Variants in SLC8A1 observed in about 807,000 individuals in gnomAD.
The protein encoded by SLC8A1 is sodium/calcium exchanger 1.
SLC8A1 carries 18 observed loss-of-function variants against 68.3 expected under a neutral mutation model. The ratio of observed to expected loss-of-function variants is 0.26; its 90% CI spans 0.18 to 0.39. The LOEUF is 0.39. Ranked by LOEUF, SLC8A1 falls within the 10% of genes least tolerant of loss-of-function variation. The pLI is 1.00. For synonymous variants in SLC8A1, 475 were observed against 415.5 expected, an observed-to-expected ratio of 1.14 and a Z score of -1.74; for missense variants, 985 against 1,156.7, an observed-to-expected ratio of 0.85 and a Z score of 2.15.
At chr2:40,150,630 C>G (rs17025271) in intron 6 of SLC8A1, among the ~76,000 whole-genome samples, 1 of 152,062 alleles carries the variant, frequency 6.6e-6, no homozygotes, top group Non-Finnish European at 1.5e-5. Context: ...GTTAGAGACA[C>G]GACTTCGGGC....
At chr2:40,393,446 A>G (rs1452859618) in intron 2 of SLC8A1, among the ~76,000 whole-genome samples, 1 of 152,090 alleles carries the variant, frequency 6.6e-6, no homozygotes, top group Non-Finnish European at 1.5e-5. Flanking sequence ...TGGAATTGCT[A>G]TGTTCCAAAT....
chr2:40,448,860 G>C (rs889454796), intron 1 of SLC8A1, among the ~76,000 whole-genome samples: 1 of 152,102 alleles, frequency 6.6e-6, no homozygotes, highest in Non-Finnish European at 1.5e-5. Context: ...GGACCAGGAA[G>C]AGTAGAGAGA....
intron 2 of SLC8A1, among the ~76,000 whole-genome samples, chr2:40,257,323 T>G (rs2064080751): frequency 6.6e-6 from 1 of 152,132 alleles, no homozygotes. Flanking sequence ...AATCAGCTAC[T>G]GGTGGAAAAT....
At chr2:40,401,134 T>C (rs891343174) in intron 2 of SLC8A1, among the ~76,000 whole-genome samples, 20 of 152,212 alleles carry the variant, frequency 1.3e-4, no homozygotes, top group African/African-American at 4.8e-4. Flanking sequence ...AAAAACCTGA[T>C]TGCAAGTCTT....
chr2:40,311,979 C>T (rs917517496), intron 2 of SLC8A1, among the ~76,000 whole-genome samples: 35 of 152,086 alleles, frequency 2.3e-4, no homozygotes, highest in African/African-American at 8.4e-4. Context: ...GACCTACTCC[C>T]CTTCCCTCCT....
intron 2 of SLC8A1, among the ~76,000 whole-genome samples, chr2:40,412,996 C>T (rs1037820296): frequency 2.6e-5 from 4 of 152,098 alleles, no homozygotes; most frequent in African/African-American, 9.7e-5. Context: ...TGGTGTGCTG[C>T]ACCCATTAAC....
intron 2 of SLC8A1, among the ~76,000 whole-genome samples, chr2:40,197,562 A>G (rs2053289070): frequency 6.6e-6 from 1 of 151,962 alleles, no homozygotes; most frequent in Admixed American, 6.6e-5. Flanking sequence ...CCCCTTTAGC[A>G]AAAGATCTCT....
intron 2 of SLC8A1, among the ~76,000 whole-genome samples, chr2:40,397,495 A>G (rs1040191532): frequency 2.4e-4 from 36 of 152,174 alleles, no homozygotes; most frequent in African/African-American, 6.3e-4. Context: ...TCAACACAAG[A>G]AGCACTGTCA....
intron 2 of SLC8A1, among the ~76,000 whole-genome samples, chr2:40,363,412 G>A (rs1675160805): frequency 6.6e-6 from 1 of 152,008 alleles, no homozygotes; most frequent in African/African-American, 2.4e-5. Context: ...TAAACTATGT[G>A]CTGTAAATGC....
chr2:40,417,557 G>A (rs1305059725), intron 2 of SLC8A1, among the ~76,000 whole-genome samples: 1 of 152,090 alleles, frequency 6.6e-6, no homozygotes, highest in Non-Finnish European at 1.5e-5. Flanking sequence ...CACCCAGGCT[G>A]GAGTGCAGTG....
chr2:40,278,185 C>A (rs1306480400), intron 2 of SLC8A1, among the ~76,000 whole-genome samples: 1 of 151,944 alleles, frequency 6.6e-6, no homozygotes, highest in Non-Finnish European at 1.5e-5. Context: ...AAAAGGGCAT[C>A]ACAGGCTGGG....
At chr2:40,266,469 G>A (rs949100001) in intron 2 of SLC8A1, among the ~76,000 whole-genome samples, 1 of 152,194 alleles carries the variant, frequency 6.6e-6, no homozygotes, top group Non-Finnish European at 1.5e-5. Flanking sequence ...ATATCAAGGA[G>A]ATAGAGTAGA....
intron 2 of SLC8A1, among the ~76,000 whole-genome samples, chr2:40,222,634 G>C (rs1331963416): frequency 6.6e-6 from 1 of 152,078 alleles, no homozygotes; most frequent in Non-Finnish European, 1.5e-5. Flanking sequence ...CTGACAAAGG[G>C]CTAATATCCA....
At chr2:40,389,458 A>T (rs116316361) in intron 2 of SLC8A1, among the ~76,000 whole-genome samples, 1 of 152,116 alleles carries the variant, frequency 6.6e-6, no homozygotes, top group East Asian at 1.9e-4. Flanking sequence ...GACATTTTAA[A>T]ATATGTATCA....
intron 2 of SLC8A1, among the ~76,000 whole-genome samples, chr2:40,352,293 GAAC>G (rs1413026250): frequency 1.1e-4 from 17 of 152,222 alleles, no homozygotes; most frequent in African/African-American, 2.9e-4. Flanking sequence ...AGAAAATTAA[GAAC>G]ATTATCTCTG....
intron 1 of SLC8A1, among the ~76,000 whole-genome samples, chr2:40,441,324 A>G (rs1700436580): frequency 6.6e-6 from 1 of 151,820 alleles, no homozygotes; most frequent in South Asian, 2.1e-4. Context: ...GGAACAATCA[A>G]TATTGTGAAA....
chr2:40,332,559 G>A (rs1439419296), intron 2 of SLC8A1, among the ~76,000 whole-genome samples: 1 of 152,042 alleles, frequency 6.6e-6, no homozygotes, highest in Non-Finnish European at 1.5e-5. Flanking sequence ...AAGTAGTGAC[G>A]CCAGGGAGAA....
chr2:40,389,658 C>G (rs1684668490), intron 2 of SLC8A1, among the ~76,000 whole-genome samples: 1 of 151,838 alleles, frequency 6.6e-6, no homozygotes, highest in Admixed American at 6.6e-5. Context: ...CATGTTACTG[C>G]CTTTCCAATT....
chr2:40,415,901 C>CACACACACACATT (rs1559590372), intron 2 of SLC8A1, among the ~76,000 whole-genome samples: 2 of 140,570 alleles, frequency 1.4e-5, no homozygotes, highest in African/African-American at 5.7e-5. Context: ...CACACACACA[C>CACACACACACATT]ACACACACAC....
Sources: gnomAD v4.1 joint callset for allele counts (sites outside exome capture counted in the v4.1 genomes callset) on GRCh38, gnomAD v4.1.1 for gene constraint, MANE v1.5 for transcripts, NCBI Gene and HGNC (gene_info 2026-07-23, HGNC 2026-07-21) for gene names.